The following BIRC6 variants were observed in gnomAD, a reference collection of about 807,000 sequenced individuals.
BIRC6 encodes dual E2 ubiquitin-conjugating enzyme/E3 ubiquitin-protein ligase BIRC6.
BIRC6 carries 98 observed loss-of-function variants against 503.3 expected under a neutral mutation model. The ratio of observed to expected loss-of-function variants is 0.19; its 90% CI spans 0.17 to 0.23. The LOEUF is 0.23. Ranked by LOEUF, BIRC6 falls within the 10% of genes least tolerant of loss-of-function variation. The probability of loss-of-function intolerance (pLI) is 1.00; values close to 1 mark genes in which losing one functional copy is unlikely to be tolerated. For missense variants in BIRC6, 5,360 were observed against 5,806.0 expected, an observed-to-expected ratio of 0.92 and a Z score of 2.50; for synonymous variants, 2,240 against 2,078.7, an observed-to-expected ratio of 1.08 and a Z score of -2.11.
chr2:32,597,937 G>A lies in BIRC6; in HGVS notation c.13799G>A (p.Arg4600His), dbSNP rs748699995. ...TCTTCATCCTCTAGTGTGTTTGTAC[G>A]CTGTGATGAGGAGCGACTTGATATC... is the stretch of plus-strand genomic sequence containing the variant. Reference protein sequence around the residue: ...PLSSSSSVFVRCDEERLDIMK... With the variant: ...PLSSSSSVFVHCDEERLDIMK... The change falls in exon 69 of 74, where the codon CGC becomes CAC. Residue 4600 changes from arginine (R) to histidine (H), a missense_variant. By Grantham distance (29) the Arg-to-His change is conservative. This residue lies in a region of BIRC6 where 66 missense variants were observed against 113.2 expected (regional missense o/e 0.58). Coordinates refer to ENST00000421745, the MANE Select transcript of BIRC6 (RefSeq NM_016252.4). 2.5e-6 allele frequency: 4 copies of A among 1,613,022 alleles called. No individual in the cohort carries two copies. The highest frequency in any genetic ancestry group is 1.7e-6 in the Non-Finnish European group (2 of 1,179,840).
chr2:32,552,916 A>C (rs1180366586), intron 65 of BIRC6, among the ~76,000 whole-genome samples: 1 of 150,076 alleles, frequency 6.7e-6, no homozygotes, highest in Non-Finnish European at 1.5e-5. Context: ...TTATATGCTT[A>C]TATTAAGCTG....
intron 21 of BIRC6, among the ~76,000 whole-genome samples, chr2:32,448,352 C>A (rs1180974066): frequency 3.5e-5 from 5 of 142,150 alleles, no homozygotes; most frequent in African/African-American, 1.3e-4. Context: ...GCACTCCAGC[C>A]TTGGCACCAT....
At chr2:32,537,393 A>C (rs1338532588) in intron 61 of BIRC6, among the ~76,000 whole-genome samples, 1 of 152,220 alleles carries the variant, frequency 6.6e-6, no homozygotes. Flanking sequence ...GTAAAAGAAG[A>C]GAAATAATAA....
chr2:32,547,645 G>A (rs948935618), intron 63 of BIRC6, among the ~76,000 whole-genome samples: 1 of 152,144 alleles, frequency 6.6e-6, no homozygotes, highest in African/African-American at 2.4e-5. Flanking sequence ...GTAAACGTGT[G>A]TGTCTATTTC....
chr2:32,388,737 C>G lies in BIRC6; in HGVS notation c.646-13C>G, dbSNP rs750994677. 1.3e-6 allele frequency: 2 copies of G among 1,562,454 alleles called. No individual in the cohort carries two copies. ...GTACATTTTCCTTTGCTTATACTCC[C>G]ATTTTCTTTCAGTGGGCCACAGTTA... On this transcript the variant is annotated splice_polypyrimidine_tract_variant and intron_variant, in intron 3 of 73. Coordinates refer to ENST00000421745, the MANE Select transcript of BIRC6 (RefSeq NM_016252.4).
chr2:32,504,034 T>TTG (rs556051105), intron 49 of BIRC6, among the ~76,000 whole-genome samples: 14,346 of 78,086 alleles, frequency 0.18, 1,301 homozygotes, highest in East Asian at 0.21. Flanking sequence ...GGGGGGGTGT[T>TTG]TGTGTGTGTG....
At chr2:32,454,432 A>G (rs2047021846) in intron 23 of BIRC6, among the ~76,000 whole-genome samples, 1 of 151,774 alleles carries the variant, frequency 6.6e-6, no homozygotes, top group Admixed American at 6.6e-5. Flanking sequence ...TAAGTTTTTG[A>G]CCATCAATCA....
chr2:32,614,942 G>A (rs1388571409), intron 73 of BIRC6, among the ~76,000 whole-genome samples: 1 of 152,140 alleles, frequency 6.6e-6, no homozygotes, highest in Non-Finnish European at 1.5e-5. Flanking sequence ...TTGAGACTGG[G>A]TAATTTATAA....
At chr2:32,486,591 T>C (rs566798803) in intron 40 of BIRC6, among the ~76,000 whole-genome samples, 1 of 152,310 alleles carries the variant, frequency 6.6e-6, no homozygotes, top group Admixed American at 6.5e-5. Context: ...TCACCTTCTC[T>C]AGGTCAGAGT....
At chr2:32,465,451 C>T (rs1558804348) in intron 26 of BIRC6, among the ~76,000 whole-genome samples, 1 of 151,766 alleles carries the variant, frequency 6.6e-6, no homozygotes, top group Non-Finnish European at 1.5e-5. Context: ...GTCAAATCAC[C>T]ATTATACTAG....
At chr2:32,591,975 C>T (rs554657938) in intron 66 of BIRC6, among the ~76,000 whole-genome samples, 1 of 152,288 alleles carries the variant, frequency 6.6e-6, no homozygotes, top group South Asian at 2.1e-4. Context: ...TTGAGTTACT[C>T]TACCAGAATC....
chr2:32,586,508 CCT>C (rs1424646414), intron 66 of BIRC6, among the ~76,000 whole-genome samples: 1 of 145,600 alleles, frequency 6.9e-6, no homozygotes, highest in Non-Finnish European at 1.5e-5. Context: ...CTCACTGCAA[CCT>C]CCACCACCCA....
At chr2:32,588,899 G>A (rs1465788258) in intron 66 of BIRC6, among the ~76,000 whole-genome samples, 2 of 152,172 alleles carry the variant, frequency 1.3e-5, no homozygotes, top group African/African-American at 2.4e-5. Context: ...GCATTTACAA[G>A]TTAGTTCTGG....
intron 66 of BIRC6, among the ~76,000 whole-genome samples, chr2:32,591,682 C>T (rs1383877929): frequency 1.3e-5 from 2 of 152,166 alleles, no homozygotes; most frequent in Non-Finnish European, 2.9e-5. Context: ...ATTGAGAGTA[C>T]AGTGGGTTAA....
chr2:32,516,857 A>T (rs2055106013), intron 55 of BIRC6, among the ~76,000 whole-genome samples: 1 of 152,164 alleles, frequency 6.6e-6, no homozygotes, highest in Admixed American at 6.6e-5. Flanking sequence ...TTTTTGAGAC[A>T]GTTAAATATT....
Position 32,545,807 on chromosome 2 carries a change from G to T in BIRC6, c.12757G>T (p.Ala4253Ser), listed in dbSNP as rs778244653. The change falls in exon 63 of 74, where the codon GCT becomes TCT. Residue 4253 changes from alanine (A) to serine (S), a missense_variant. Physicochemically the swap from Ala to Ser is moderately conservative, Grantham distance 99. Coordinates refer to ENST00000421745, the MANE Select transcript of BIRC6 (RefSeq NM_016252.4). ...ALHLILVCLS[A>S]LSHHSPRVPN... ...ACACCTCATTCTTGTCTGTCTCTCT[G>T]CTTTGAGCCACCATTCCCCACGAGT... The T allele has an allele frequency of 4.0e-5, 65 of 1,613,708 alleles. No homozygotes were observed. Among genetic ancestry groups the T allele is most frequent in the Non-Finnish European group, 5.1e-5 (60 of 1,179,860 alleles).
chr2:32,591,026 C>A, intron 66 of BIRC6: 1 of 959,152 alleles, frequency 1.0e-6, no homozygotes, highest in Non-Finnish European at 1.2e-6. Context: ...TTGACAGTAA[C>A]CTGCAACTTT....
intron 67 of BIRC6, chr2:32,594,328 G>A: frequency 3.4e-6 from 1 of 291,096 alleles, no homozygotes; most frequent in South Asian, 8.9e-5. Flanking sequence ...TGAAATTCAT[G>A]AAATTGAAAA....
chr2:32,455,612 G>A (rs1490858233), intron 23 of BIRC6, among the ~76,000 whole-genome samples: 2 of 152,182 alleles, frequency 1.3e-5, no homozygotes, highest in African/African-American at 2.4e-5. Context: ...GGGTGACAGA[G>A]TGAGACTCCG....
Sources: allele counts gnomAD v4.1 joint callset (sites outside exome capture counted in the v4.1 genomes callset), GRCh38; gene constraint gnomAD v4.1.1; regional missense constraint gnomAD v4.1.1; transcripts MANE v1.5; gene names NCBI Gene and HGNC (gene_info 2026-07-23, HGNC 2026-07-21).